SMYD3: variants seen among roughly 807,000 people sequenced by gnomAD.
SMYD3 encodes the protein histone-lysine N-methyltransferase SMYD3.
Under a neutral mutation model 57.7 loss-of-function variants are expected in SMYD3, and 36 were observed. That is an observed-to-expected ratio of 0.62 (90% CI 0.48 to 0.82). The LOEUF (loss-of-function observed/expected upper bound fraction) is 0.82, where lower values mean the gene tolerates loss of function less well. Ranked by LOEUF, SMYD3 falls within the 40% of genes least tolerant of loss-of-function variation. The pLI is 0.00. For synonymous variants in SMYD3, 211 were observed against 195.0 expected, an observed-to-expected ratio of 1.08 and a Z score of -0.68; for missense variants, 515 against 538.8, an observed-to-expected ratio of 0.96 and a Z score of 0.44.
intron 5 of SMYD3, among the ~76,000 whole-genome samples, chr1:246,172,261 C>T (rs2062350365): frequency 6.6e-6 from 1 of 151,210 alleles, no homozygotes; most frequent in African/African-American, 2.4e-5. Flanking sequence ...CTACACAGGC[C>T]TAGAACACTC....
chr1:245,831,364 C>T (rs1355239275), intron 10 of SMYD3, among the ~76,000 whole-genome samples: 1 of 152,174 alleles, frequency 6.6e-6, no homozygotes, highest in Non-Finnish European at 1.5e-5. Flanking sequence ...AGCATTTGGC[C>T]AAGACCTTTG....
intron 5 of SMYD3, among the ~76,000 whole-genome samples, chr1:245,939,489 T>C (rs1234918271): frequency 6.6e-6 from 1 of 151,938 alleles, no homozygotes; most frequent in Non-Finnish European, 1.5e-5. Flanking sequence ...CTAGGCATGG[T>C]GGTGGCAGGT....
intron 5 of SMYD3, among the ~76,000 whole-genome samples, chr1:245,955,047 A>T (rs992936658): frequency 2.0e-5 from 3 of 152,172 alleles, no homozygotes; most frequent in Non-Finnish European, 4.4e-5. Flanking sequence ...TATTTCAGTT[A>T]TCCTGGCTTC....
intron 5 of SMYD3, among the ~76,000 whole-genome samples, chr1:246,073,587 C>T (rs1315324823): frequency 1.3e-5 from 2 of 152,084 alleles, no homozygotes; most frequent in Admixed American, 6.5e-5. Flanking sequence ...CATGATGGCT[C>T]CTACCTGCAG....
rs975347036 is a variant in SMYD3 at position 246,102,231 on chromosome 1, C to T, written c.532-172294G>A. 3.3e-5 allele frequency among the ~76,000 whole-genome samples: 5 copies of T among 152,150 alleles called. No individual in the cohort carries two copies. In the East Asian group the frequency reaches 7.7e-4, roughly 23 times the overall value. On this transcript the variant is annotated intron_variant, in intron 5 of 11. Transcript: ENST00000490107. ...CCTACTTTCTGACTTGAATCCACCT[C>T]GATGTCCTACCAATTTTACTTTCTA...
intron 5 of SMYD3, among the ~76,000 whole-genome samples, chr1:246,193,106 A>C (rs2062767370): frequency 6.6e-6 from 1 of 152,166 alleles, no homozygotes; most frequent in South Asian, 2.1e-4. Flanking sequence ...TGAAGACAAA[A>C]GTATTCCTCA....
At chr1:246,137,826 A>C (rs1433994760) in intron 5 of SMYD3, among the ~76,000 whole-genome samples, 1 of 152,104 alleles carries the variant, frequency 6.6e-6, no homozygotes, top group Non-Finnish European at 1.5e-5. Flanking sequence ...CTAAGAAGGT[A>C]TTTCCATTAC....
At chr1:245,959,516 A>T (rs1318921617) in intron 5 of SMYD3, among the ~76,000 whole-genome samples, 1 of 152,126 alleles carries the variant, frequency 6.6e-6, no homozygotes, top group Admixed American at 6.5e-5. Context: ...CAGTTTCCCT[A>T]TTTATAAAAC....
intron 10 of SMYD3, among the ~76,000 whole-genome samples, chr1:245,853,448 C>T (rs921659929): frequency 4.6e-5 from 7 of 152,186 alleles, no homozygotes; most frequent in Non-Finnish European, 8.8e-5. Flanking sequence ...TCAGGTCCTC[C>T]CACTGTAATA....
intron 8 of SMYD3, among the ~76,000 whole-genome samples, chr1:245,877,251 G>A (rs1434437895): frequency 6.6e-6 from 1 of 152,138 alleles, no homozygotes; most frequent in African/African-American, 2.4e-5. Flanking sequence ...TAAGCTGAAG[G>A]GCTACTTCAG....
intron 7 of SMYD3, among the ~76,000 whole-genome samples, chr1:245,921,577 A>ATATATATATATATATAT: frequency 6.7e-6 from 1 of 149,714 alleles, no homozygotes; most frequent in East Asian, 2.0e-4. Context: ...ATATACACAT[A>ATATATATATATATATAT]CCATGGAATA....
chr1:245,806,646 C>T (rs979942817), intron 10 of SMYD3, among the ~76,000 whole-genome samples: 24 of 151,514 alleles, frequency 1.6e-4, no homozygotes, highest in Non-Finnish European at 4.4e-5. Flanking sequence ...CGCGGTGGCT[C>T]ACGCCTGTAA....
At chr1:246,340,811 AT>A (rs1379737325) in intron 2 of SMYD3, among the ~76,000 whole-genome samples, 1 of 152,000 alleles carries the variant, frequency 6.6e-6, no homozygotes, top group African/African-American at 2.4e-5. Context: ...ATAAAAAAAA[AT>A]TTTTTTTAGT....
intron 1 of SMYD3, among the ~76,000 whole-genome samples, chr1:246,498,611 GTCCCAGCTAC>G (rs2068406149): frequency 6.6e-6 from 1 of 151,538 alleles, no homozygotes; most frequent in Admixed American, 6.6e-5. Flanking sequence ...GGTGCCTGTA[GTCCCAGCTAC>G]TCGGGAGGCT....
At chr1:246,370,720 C>T (rs1361666780) in intron 1 of SMYD3, among the ~76,000 whole-genome samples, 2 of 152,224 alleles carry the variant, frequency 1.3e-5, no homozygotes, top group Non-Finnish European at 2.9e-5. Flanking sequence ...TTCTATATCA[C>T]TTCCATGGTT....
At chr1:245,939,257 A>G (rs770504047) in intron 5 of SMYD3, among the ~76,000 whole-genome samples, 1 of 152,238 alleles carries the variant, frequency 6.6e-6, no homozygotes, top group African/African-American at 2.4e-5. Flanking sequence ...TGCTGAAAAT[A>G]CAGTTTGACA....
At chr1:246,418,617 T>TG (rs2067097863) in intron 1 of SMYD3, among the ~76,000 whole-genome samples, 1 of 152,170 alleles carries the variant, frequency 6.6e-6, no homozygotes, top group East Asian at 1.9e-4. Context: ...CATGTAGGCT[T>TG]GGAGAATAAG....
At chr1:246,253,651 A>T (rs2063831179) in intron 5 of SMYD3, among the ~76,000 whole-genome samples, 1 of 152,126 alleles carries the variant, frequency 6.6e-6, no homozygotes, top group Non-Finnish European at 1.5e-5. Context: ...AGTGTTTTCT[A>T]GTTCTTGTAA....
chr1:245,786,217 G>GGGT lies in SMYD3; in HGVS notation c.1077-22069_1077-22068insACC, dbSNP rs11457107. On this transcript the variant is annotated intron_variant, in intron 10 of 11. Coordinates refer to ENST00000490107, the MANE Select transcript of SMYD3 (RefSeq NM_001167740.2). The stretch of plus-strand genomic sequence containing the variant: ...TGAGTTGAGTTGGGGTGTGGACGGG[G>GGGT]GGGGGATGGTGGCAACAGAATATTA... Among the ~76,000 whole-genome samples, 63 of 148,238 alleles carry GGGT rather than the reference G, an allele frequency of 4.2e-4. 4 individuals are homozygous for GGGT. The highest frequency in any genetic ancestry group is 2.2e-3 in the East Asian group (11 of 4,976).
Sources: allele counts gnomAD v4.1 joint callset (sites outside exome capture counted in the v4.1 genomes callset), GRCh38; gene constraint gnomAD v4.1.1; transcripts MANE v1.5; gene names NCBI Gene and HGNC (gene_info 2026-07-23, HGNC 2026-07-21).